Variants in STK38L observed in about 807,000 individuals in gnomAD.
The protein encoded by STK38L is serine/threonine kinase 38 like.
In STK38L, 28 loss-of-function variants were observed where a neutral mutation model predicts 59.7. The observed-to-expected ratio is 0.47, with a 90% CI of 0.35 to 0.64. The LOEUF is 0.64. Ranked by LOEUF, STK38L falls within the 30% of genes least tolerant of loss-of-function variation. STK38L has a pLI of 0.01. For missense variants in STK38L, 314 were observed against 555.8 expected, an observed-to-expected ratio of 0.56 and a Z score of 4.37; for synonymous variants, 162 against 176.8, an observed-to-expected ratio of 0.92 and a Z score of 0.66.
intron 1 of STK38L, among the ~76,000 whole-genome samples, chr12:27,267,488 G>C (rs3927060): frequency 0.85 from 129,818 of 152,224 alleles, 55,556 homozygotes; most frequent in Non-Finnish European, 0.89. Flanking sequence ...ACTGGTGCAG[G>C]CTCGAACTCC....
chr12:27,274,931 T>C (rs552027512), intron 1 of STK38L, among the ~76,000 whole-genome samples: 1 of 152,322 alleles, frequency 6.6e-6, no homozygotes, highest in East Asian at 1.9e-4. Flanking sequence ...TTTAGTTATC[T>C]AATAATTACA....
At chr12:27,262,192 C>T (rs928934944) in intron 1 of STK38L, among the ~76,000 whole-genome samples, 1 of 151,900 alleles carries the variant, frequency 6.6e-6, no homozygotes, top group African/African-American at 2.4e-5. Context: ...ATAGTCCCTT[C>T]TCTTAAAAAA....
intron 3 of STK38L, among the ~76,000 whole-genome samples, chr12:27,304,093 C>A (rs1944246727): frequency 6.6e-6 from 1 of 151,800 alleles, no homozygotes; most frequent in South Asian, 2.1e-4. Context: ...AAGACCTGGT[C>A]TCTACAAAAA....
chr12:27,322,020 C>A, intron 12 of STK38L, 123 bp from the exon 13 acceptor site: 1 of 793,690 alleles, frequency 1.3e-6, no homozygotes, highest in Non-Finnish European at 1.9e-6. Flanking sequence ...CTCAAATCCA[C>A]AATAAATTTC....
In STK38L at chr12:27,302,326, C is replaced by G. The variant is rs2136641163; in HGVS notation, c.186+138C>G. ...GCTTCTTTGTTGCTGTCATGGATAT[C>G]TTTTATTGATATCTTTAGAAGGAGG... On this transcript the variant is annotated intron_variant, in intron 3 of 13. Transcript: ENST00000389032. The G allele has an allele frequency of 6.4e-6, 4 of 624,602 alleles. No individual in the cohort carries two copies. The East Asian group carries it at 1.2e-4, about 19-fold the overall frequency. The allele number at this position is 624,602 out of a possible 1,614,324, so 38.7% of individuals were successfully genotyped here.
intron 1 of STK38L, among the ~76,000 whole-genome samples, chr12:27,263,083 G>A (rs1056671982): frequency 1.3e-5 from 2 of 152,118 alleles, no homozygotes; most frequent in Non-Finnish European, 2.9e-5. Context: ...AAGTCACTGT[G>A]CCCAGCCAAG....
At chr12:27,266,199 C>T (rs1287076736) in intron 1 of STK38L, among the ~76,000 whole-genome samples, 7 of 152,130 alleles carry the variant, frequency 4.6e-5, no homozygotes, top group Non-Finnish European at 4.4e-5. Context: ...CAAAGGTTTA[C>T]GATAGTGGTA....
intron 1 of STK38L, among the ~76,000 whole-genome samples, chr12:27,295,449 T>C (rs1943995009): frequency 6.6e-6 from 1 of 152,254 alleles, no homozygotes; most frequent in African/African-American, 2.4e-5. Flanking sequence ...TTCTGACTTC[T>C]ACCTTCTGTA....
In STK38L at chr12:27,275,947, AAGCTGACT is replaced by A. The variant is rs574900776; in HGVS notation, c.-11-21759_-11-21752del. Among the ~76,000 whole-genome samples, 555 of 152,310 alleles carry A rather than the reference AAGCTGACT, an allele frequency of 3.6e-3. 4 individuals are homozygous for A. Among genetic ancestry groups the A allele is most frequent in the African/African-American group, 0.013 (528 of 41,560 alleles). The stretch of plus-strand genomic sequence containing the variant: ...ACCGAGTAACTTAGACAAGAGCACC[AAGCTGACT>A]AGCAGTGCCTCAGGACTAACCTGGC... On this transcript the variant is annotated intron_variant, in intron 1 of 13. Coordinates refer to ENST00000389032, the MANE Select transcript of STK38L (RefSeq NM_015000.4).
intron 1 of STK38L, among the ~76,000 whole-genome samples, chr12:27,266,696 G>A (rs1389894697): frequency 1.3e-5 from 2 of 152,212 alleles, no homozygotes; most frequent in Admixed American, 6.5e-5. Flanking sequence ...TCTTACTGGA[G>A]AATCCATTCC....
chr12:27,291,466 C>T (rs1013434667), intron 1 of STK38L, among the ~76,000 whole-genome samples: 8 of 152,134 alleles, frequency 5.3e-5, no homozygotes, highest in Non-Finnish European at 7.3e-5. Context: ...TACTTTGTGT[C>T]TCCATAAGAT....
intron 1 of STK38L, among the ~76,000 whole-genome samples, chr12:27,264,486 A>C (rs1943262261): frequency 1.3e-5 from 2 of 152,226 alleles, no homozygotes; most frequent in Admixed American, 1.3e-4. Flanking sequence ...GTGGGGAAAA[A>C]GTTATGCATT....
intron 1 of STK38L, among the ~76,000 whole-genome samples, chr12:27,295,758 A>G (rs941084023): frequency 2.6e-5 from 4 of 152,212 alleles, no homozygotes; most frequent in African/African-American, 4.8e-5. Context: ...ACATGCACCA[A>G]AAAAATGAGA....
At chr12:27,245,586 C>T (rs972265732) in intron 1 of STK38L, 1 of 152,096 alleles carries the variant, frequency 6.6e-6, no homozygotes, top group African/African-American at 2.4e-5. Context: ...TTTGATTGGC[C>T]TTTCTCTCTG....
chr12:27,312,706 T>C lies in STK38L; in HGVS notation c.517+34T>C, dbSNP rs1455759216. 1.9e-6 allele frequency: 3 copies of C among 1,606,018 alleles called. No homozygotes were observed. The South Asian group carries it at 3.4e-5, about 18-fold the overall frequency. ...AAACATTGTATCAATGACAGACTGA[T>C]ACAAGCACATCTTTATATGCAACAA... On this transcript the variant is annotated intron_variant, in intron 6 of 13. Transcript: ENST00000389032.
At position 27,315,298 on chromosome 12, in the gene STK38L, A is replaced by G. The variant is rs780581159; in HGVS notation, c.785A>G (p.Asn262Ser). The change falls in exon 9 of 14, where the codon AAC (asparagine) becomes AGC (serine). Residue 262 changes from asparagine to serine, a missense_variant. By Grantham distance (46) the Asn-to-Ser change is conservative (BLOSUM62 1). Coordinates refer to ENST00000389032, the MANE Select transcript of STK38L (RefSeq NM_015000.4). ...HNPPSDFSFQ[N>S]MNSKRKAETW... ...ATATTGTTGAAATTAGCATTTCAGA[A>G]CATGAACTCAAAGAGGAAAGCAGAA... is the stretch of plus-strand genomic sequence containing the variant. 23 of 1,613,730 alleles carry G rather than the reference A, an allele frequency of 1.4e-5. No homozygotes were observed. Among genetic ancestry groups the G allele is most frequent in the South Asian group, 2.2e-5 (2 of 91,058 alleles).
chr12:27,276,630 A>G (rs903590889), intron 1 of STK38L, among the ~76,000 whole-genome samples: 1 of 152,358 alleles, frequency 6.6e-6, no homozygotes, highest in Admixed American at 6.5e-5. Flanking sequence ...ATTTATGTAT[A>G]AGGTTAAATA....
intron 1 of STK38L, among the ~76,000 whole-genome samples, chr12:27,291,878 G>A (rs1410630844): frequency 1.3e-5 from 2 of 152,218 alleles, no homozygotes; most frequent in African/African-American, 4.8e-5. Context: ...TTGTTTTACA[G>A]CCAGGTAAAG....
chr12:27,249,657 C>G (rs550860406), intron 1 of STK38L, among the ~76,000 whole-genome samples: 1 of 152,178 alleles, frequency 6.6e-6, no homozygotes. Context: ...CTTTTAAATT[C>G]TTAACAAGCT....
Sources: allele counts gnomAD v4.1 joint callset (sites outside exome capture counted in the v4.1 genomes callset), GRCh38; gene constraint gnomAD v4.1.1; transcripts MANE v1.5; gene names NCBI Gene and HGNC (gene_info 2026-07-23, HGNC 2026-07-21).